BBS9: variants seen among roughly 807,000 people sequenced by gnomAD.
The protein encoded by BBS9 is Bardet-Biedl syndrome 9.
BBS9 carries 89 observed loss-of-function variants against 117.7 expected under a neutral mutation model. The ratio of observed to expected loss-of-function variants is 0.76; its 90% confidence interval spans 0.64 to 0.90. The LOEUF (loss-of-function observed/expected upper bound fraction) is 0.90, where lower values mean the gene tolerates loss of function less well. Ranked by LOEUF, BBS9 falls within the 40% of genes least tolerant of loss-of-function variation. The pLI, the probability that BBS9 is intolerant of heterozygous loss-of-function variation, is 0.00. For missense variants in BBS9, 982 were observed against 1,042.2 expected, an observed-to-expected ratio of 0.94 and a Z score of 0.80; for synonymous variants, 379 against 370.9, an observed-to-expected ratio of 1.02 and a Z score of -0.25.
chr7:33,303,657 T>G (rs2128526396), intron 9 of BBS9, among the ~76,000 whole-genome samples: 1 of 151,860 alleles, frequency 6.6e-6, no homozygotes, highest in Non-Finnish European at 1.5e-5. Flanking sequence ...TGCAGGCATG[T>G]GCCGCCACGC....
At chr7:33,383,940 T>C in intron 18 of BBS9, 102 bp downstream of exon 18, 1 of 1,233,752 alleles carries the variant, frequency 8.1e-7, no homozygotes, top group Non-Finnish European at 1.1e-6. Flanking sequence ...GGCTATGTGC[T>C]TCTAGTTGTT....
chr7:33,390,296 C>T (rs1210442806), intron 19 of BBS9: 3 of 985,152 alleles, frequency 3.0e-6, no homozygotes, highest in Non-Finnish European at 3.6e-6. Context: ...TAATGCTTTC[C>T]AGATTTTCTA....
rs1314142938 is a variant in BBS9, at chr7:33,524,782, T to G, written c.2299-9172T>G. Among the ~76,000 whole-genome samples the G allele has an allele frequency of 4.6e-5, 7 of 152,336 alleles. No homozygotes were observed. In the East Asian group the frequency reaches 1.2e-3, roughly 25 times the overall value. Reference sequence around the variant, plus strand: ...GCTCTGATTTTAGTTATTTCTTGCCTTCTTCTAGCTTTTGAATGTGTTTGC... The same window carrying G: ...GCTCTGATTTTAGTTATTTCTTGCCGTCTTCTAGCTTTTGAATGTGTTTGC... On this transcript the variant is annotated intron_variant, in intron 20 of 22. Transcript: ENST00000242067.
intron 5 of BBS9, among the ~76,000 whole-genome samples, chr7:33,219,369 G>A (rs181181616): frequency 9.0e-4 from 137 of 152,308 alleles, no homozygotes; most frequent in Middle Eastern, 3.4e-3. Flanking sequence ...GGCACAGGGC[G>A]CGGGACTGGC....
intron 20 of BBS9, among the ~76,000 whole-genome samples, chr7:33,519,920 T>A (rs1283038032): frequency 6.6e-6 from 1 of 152,154 alleles, no homozygotes; most frequent in Admixed American, 6.5e-5. Flanking sequence ...AATCCTCAGT[T>A]GGAAGTTATA....
At chr7:33,304,038 CCGCCACCCCA>C (rs1807213020) in intron 9 of BBS9, among the ~76,000 whole-genome samples, 1 of 150,216 alleles carries the variant, frequency 6.7e-6, no homozygotes, top group African/African-American at 2.5e-5. Flanking sequence ...CTCTGCCCGG[CCGCCACCCCA>C]TCTAGGAAGT....
chr7:33,517,917 G>A (rs1009205293), intron 20 of BBS9, among the ~76,000 whole-genome samples: 4 of 152,092 alleles, frequency 2.6e-5, no homozygotes, highest in Non-Finnish European at 1.5e-5. Context: ...TTTATATTTT[G>A]TAGTTATATG....
intron 4 of BBS9, among the ~76,000 whole-genome samples, chr7:33,156,636 G>A (rs566963727): frequency 3.3e-5 from 5 of 152,314 alleles, no homozygotes; most frequent in East Asian, 1.9e-4. Flanking sequence ...GTAACCTGGC[G>A]TGGTATATGG....
chr7:33,179,890 T>C (rs114000517), intron 5 of BBS9, among the ~76,000 whole-genome samples: 1,820 of 152,288 alleles, frequency 0.012, 32 homozygotes, highest in African/African-American at 0.042. Context: ...CAATTTCTCT[T>C]CAAAGAATCA....
At chr7:33,603,744 T>C (rs992696371) in intron 21 of BBS9, among the ~76,000 whole-genome samples, 2 of 152,192 alleles carry the variant, frequency 1.3e-5, no homozygotes, top group East Asian at 1.9e-4. Context: ...ATAATTCTAA[T>C]GTTTTCTATT....
At chr7:33,521,525 A>G (rs1350224959) in intron 20 of BBS9, among the ~76,000 whole-genome samples, 1 of 152,210 alleles carries the variant, frequency 6.6e-6, no homozygotes, top group African/African-American at 2.4e-5. Context: ...CATTTAAAAT[A>G]AAAAGGAATG....
intron 9 of BBS9, among the ~76,000 whole-genome samples, chr7:33,300,482 T>TTTTTAA (rs1035044558): frequency 6.6e-5 from 10 of 152,352 alleles, no homozygotes; most frequent in East Asian, 1.9e-4. Flanking sequence ...GAACCATTTC[T>TTTTTAA]TTTTAATTTT....
intron 9 of BBS9, among the ~76,000 whole-genome samples, chr7:33,318,877 C>T (rs911951442): frequency 1.3e-5 from 2 of 152,056 alleles, no homozygotes; most frequent in African/African-American, 4.8e-5. Flanking sequence ...GAATAATAGT[C>T]TCGAGAGCTG....
intron 20 of BBS9, among the ~76,000 whole-genome samples, chr7:33,513,507 A>G (rs867864424): frequency 5.3e-5 from 8 of 152,214 alleles, no homozygotes; most frequent in Non-Finnish European, 1.0e-4. Context: ...AATGTCTCAC[A>G]TAATTACAGA....
chr7:33,597,879 A>AAAC (rs1863118558), intron 21 of BBS9, among the ~76,000 whole-genome samples: 1 of 151,704 alleles, frequency 6.6e-6, no homozygotes, highest in African/African-American at 2.4e-5. Flanking sequence ...TACCAAAAAA[A>AAAC]AAAAAAAACA....
intron 5 of BBS9, among the ~76,000 whole-genome samples, chr7:33,202,209 G>T (rs1054156077): frequency 6.6e-6 from 1 of 152,154 alleles, no homozygotes; most frequent in Non-Finnish European, 1.5e-5. Flanking sequence ...TATTGGTTTT[G>T]CTCAGAGAAT....
intron 9 of BBS9, among the ~76,000 whole-genome samples, chr7:33,317,343 T>C (rs1463311538): frequency 2.0e-5 from 3 of 152,196 alleles, no homozygotes; most frequent in African/African-American, 7.2e-5. Context: ...TTGGGTTTTT[T>C]TGCATTTTTG....
rs191647516 is a variant in BBS9 at position 33,382,621 on chromosome 7, A to G, written c.1790-1045A>G. ...TCAGGAAGACACAATGTTATGAGGC[A>G]GTTAAGATTAATATCTAGTGTTCCA... is the stretch of plus-strand genomic sequence containing the variant. On this transcript the variant is annotated intron_variant, in intron 17 of 22. Transcript: ENST00000242067. Among the ~76,000 whole-genome samples, 20 of 152,316 alleles carry G rather than the reference A, an allele frequency of 1.3e-4. No homozygotes were observed. The East Asian group carries it at 3.5e-3, about 26-fold the overall frequency.
At chr7:33,632,097 A>G (rs2129230051) in intron 21 of BBS9, among the ~76,000 whole-genome samples, 1 of 152,312 alleles carries the variant, frequency 6.6e-6, no homozygotes, top group Non-Finnish European at 1.5e-5. Context: ...CAGGAATGTA[A>G]TGGAATATGG....
Sources: allele counts gnomAD v4.1 joint callset (sites outside exome capture counted in the v4.1 genomes callset), GRCh38; gene constraint gnomAD v4.1.1; transcripts MANE v1.5; gene names NCBI Gene and HGNC (gene_info 2026-07-23, HGNC 2026-07-21).